GSG1L: variants seen among roughly 807,000 people sequenced by gnomAD.
GSG1L encodes the protein germ cell-specific gene 1-like protein.
Under a neutral mutation model 42.1 loss-of-function variants are expected in GSG1L, and 24 were observed. The observed-to-expected ratio is 0.57, with a 90% CI of 0.41 to 0.80. The LOEUF is 0.80. GSG1L is among the 30% of genes least tolerant of loss of function. The probability of loss-of-function intolerance (pLI) is 0.00; values close to 1 mark genes in which losing one functional copy is unlikely to be tolerated. For missense variants in GSG1L, 445 were observed against 472.2 expected (o/e 0.94, Z 0.53); for synonymous variants, 215 against 203.5 (o/e 1.06, Z -0.48).
chr16:27,889,553 A>G (rs77462358), intron 2 of GSG1L, among the ~76,000 whole-genome samples: 35 of 152,294 alleles, frequency 2.3e-4, no homozygotes, highest in Non-Finnish European at 4.1e-4. Context: ...GGGCAACCAG[A>G]GCCCATTTTT....
At chr16:28,061,101 A>G (rs1404437181) in intron 1 of GSG1L, among the ~76,000 whole-genome samples, 1 of 152,154 alleles carries the variant, frequency 6.6e-6, no homozygotes, top group African/African-American at 2.4e-5. Flanking sequence ...GCACAGAGGA[A>G]GGGAGGCAGA....
chr16:28,017,970 T>A (rs991231697), intron 1 of GSG1L, among the ~76,000 whole-genome samples: 5 of 152,232 alleles, frequency 3.3e-5, no homozygotes, highest in African/African-American at 1.2e-4. Flanking sequence ...GGGTATTTTA[T>A]TATTCTTCTT....
chr16:28,020,469 C>A (rs1453855235), intron 1 of GSG1L, among the ~76,000 whole-genome samples: 1 of 152,132 alleles, frequency 6.6e-6, no homozygotes, highest in East Asian at 1.9e-4. Context: ...ATATGCCAAC[C>A]ATTGTTCTAA....
At chr16:28,006,524 G>A (rs1232390299) in intron 1 of GSG1L, among the ~76,000 whole-genome samples, 1 of 151,958 alleles carries the variant, frequency 6.6e-6, no homozygotes, top group Non-Finnish European at 1.5e-5. Flanking sequence ...GGCCAGGCTG[G>A]TCTTGAACTC....
intron 5 of GSG1L, among the ~76,000 whole-genome samples, chr16:27,827,669 C>A (rs940532029): frequency 3.9e-5 from 6 of 152,164 alleles, no homozygotes; most frequent in Admixed American, 3.3e-4. Context: ...GTGGCTTCAT[C>A]AGAAGAAGGT....
chr16:28,031,760 A>G (rs1156813276), intron 1 of GSG1L, among the ~76,000 whole-genome samples: 1 of 152,188 alleles, frequency 6.6e-6, no homozygotes, highest in African/African-American at 2.4e-5. Context: ...TGTTAGCTAC[A>G]TTAGTTAATG....
Position 28,046,381 on chromosome 16 carries a change from T to C in GSG1L, c.349+16695A>G, listed in dbSNP as rs565998514. The stretch of plus-strand genomic sequence containing the variant: ...TTTTTTTTTTTTTTCTGAGACGGAG[T>C]CTAGTTCTGTCACCCAGGCTGGAGT... On this transcript the variant is annotated intron_variant, in intron 1 of 6. Coordinates refer to ENST00000447459, the MANE Select transcript of GSG1L (RefSeq NM_001109763.2). Among the ~76,000 whole-genome samples the C allele has an allele frequency of 1.1e-4, 14 of 132,178 alleles. No individual in the cohort carries two copies. The South Asian group carries it at 3.6e-3, about 34-fold the overall frequency. 86.7% of individuals were successfully genotyped at this position (132,178 alleles called of 152,430 possible). A position where few individuals can be genotyped will look rare whatever the true frequency, so the allele number is the denominator to read the frequency against.
chr16:28,018,652 C>T (rs567942537), intron 1 of GSG1L, among the ~76,000 whole-genome samples: 5 of 152,186 alleles, frequency 3.3e-5, no homozygotes, highest in Admixed American at 6.5e-5. Flanking sequence ...GAAGAGGGAA[C>T]GGCCATTGTG....
chr16:27,906,735 C>T (rs1387072671), intron 2 of GSG1L, among the ~76,000 whole-genome samples: 2 of 152,170 alleles, frequency 1.3e-5, no homozygotes, highest in Admixed American at 6.5e-5. Context: ...CCCATTCTGA[C>T]ATCTTGTTTA....
intron 1 of GSG1L, among the ~76,000 whole-genome samples, chr16:27,988,659 AG>A (rs2085415503): frequency 6.6e-6 from 1 of 152,102 alleles, no homozygotes; most frequent in Non-Finnish European, 1.5e-5. Context: ...CTAATATAAA[AG>A]TAAATTTTCA....
chr16:28,028,837 C>T (rs193170825), intron 1 of GSG1L, among the ~76,000 whole-genome samples: 294 of 152,342 alleles, frequency 1.9e-3, no homozygotes, highest in Non-Finnish European at 3.7e-3. Flanking sequence ...TGCCTCTCTT[C>T]ACAGTGCTGT....
chr16:27,896,241 C>T (rs543286292), intron 2 of GSG1L, among the ~76,000 whole-genome samples: 2 of 152,284 alleles, frequency 1.3e-5, no homozygotes, highest in South Asian at 4.2e-4. Flanking sequence ...GGCAGGACTG[C>T]TTGGGAACCA....
intron 1 of GSG1L, among the ~76,000 whole-genome samples, chr16:28,046,668 C>T (rs2086163935): frequency 6.6e-6 from 1 of 152,096 alleles, no homozygotes; most frequent in African/African-American, 2.4e-5. Context: ...ATCCAGTCTT[C>T]GTGGCCGTCT....
At chr16:27,859,431 C>T (rs57730150) in intron 3 of GSG1L, among the ~76,000 whole-genome samples, 2,558 of 152,322 alleles carry the variant, frequency 0.017, 71 homozygotes, top group African/African-American at 0.058. Context: ...GTCCATCCTC[C>T]GGCGAGTGCT....
intron 2 of GSG1L, among the ~76,000 whole-genome samples, chr16:27,901,417 A>G (rs1190516327): frequency 2.0e-5 from 3 of 152,184 alleles, no homozygotes; most frequent in Admixed American, 2.0e-4. Flanking sequence ...AGTTAACGTG[A>G]TCCTGCCACC....
At chr16:27,887,998 G>C (rs1053284354) in intron 2 of GSG1L, 8 of 637,102 alleles carry the variant, frequency 1.3e-5, no homozygotes, top group African/African-American at 1.2e-4. Flanking sequence ...TTCAGAGAGC[G>C]CTGAGCCTGC....
At chr16:27,875,071 T>C (rs1350848592) in intron 3 of GSG1L, among the ~76,000 whole-genome samples, 1 of 152,214 alleles carries the variant, frequency 6.6e-6, no homozygotes, top group Non-Finnish European at 1.5e-5. Flanking sequence ...TTGCCTCCAA[T>C]CATATCTCCT....
At chr16:27,988,935 C>G (rs1038259884) in intron 1 of GSG1L, among the ~76,000 whole-genome samples, 1 of 151,518 alleles carries the variant, frequency 6.6e-6, no homozygotes, top group African/African-American at 2.4e-5. Context: ...TGCCTGTAAT[C>G]CCTGCTCCTC....
chr16:27,919,206 G>T (rs2084496232), intron 2 of GSG1L, among the ~76,000 whole-genome samples: 1 of 152,128 alleles, frequency 6.6e-6, no homozygotes, highest in Non-Finnish European at 1.5e-5. Context: ...TATCCAAGAT[G>T]ACTCAATAAG....
Sources: allele counts gnomAD v4.1 joint callset (sites outside exome capture counted in the v4.1 genomes callset), GRCh38; gene constraint gnomAD v4.1.1; transcripts MANE v1.5; gene names NCBI Gene and HGNC (gene_info 2026-07-23, HGNC 2026-07-21).